The following ZNF486 variants were observed in gnomAD, a reference collection of about 807,000 sequenced individuals.
The protein encoded by ZNF486 is zinc finger protein 486, also known as KRAB box only protein 2.
A neutral mutation model predicts 12.8 loss-of-function variants in ZNF486; 12 were observed. The observed-to-expected ratio is 0.94, with a 90% CI of 0.60 to 1.52. The LOEUF (loss-of-function observed/expected upper bound fraction) is 1.52, where lower values mean the gene tolerates loss of function less well. Ranked by LOEUF, ZNF486 falls within the 40% of genes most tolerant of loss-of-function variation. The probability of loss-of-function intolerance (pLI) is 0.00; values close to 1 mark genes in which losing one functional copy is unlikely to be tolerated. For missense variants in ZNF486, 738 were observed against 545.0 expected (o/e 1.35, Z -3.53); for synonymous variants, 231 against 184.9 (o/e 1.25, Z -2.02).
At chr19:20,191,714 G>A (rs1482932829) in intron 3 of ZNF486, among the ~76,000 whole-genome samples, 1 of 152,144 alleles carries the variant, frequency 6.6e-6, no homozygotes, top group African/African-American at 2.4e-5. Context: ...AGCTTGTAGT[G>A]AGCTGAGATT....
chr19:20,182,418 C>A (rs2089796993), intron 1 of ZNF486, among the ~76,000 whole-genome samples: 1 of 152,316 alleles, frequency 6.6e-6, no homozygotes, highest in Non-Finnish European at 1.5e-5. Flanking sequence ...CCTCTTGTGC[C>A]CTCCCCACAG....
At chr19:20,175,638 A>G (rs369942415) in intron 1 of ZNF486, among the ~76,000 whole-genome samples, 9 of 152,046 alleles carry the variant, frequency 5.9e-5, no homozygotes, top group Admixed American at 1.3e-4. Context: ...CAGAGAGCAC[A>G]GGGTTGGGGG....
At position 20,197,193 on chromosome 19, in the gene ZNF486, A is replaced by T; in HGVS notation, c.483A>T (p.Lys161Asn). 1 of 1,613,322 alleles carries T rather than the reference A, an allele frequency of 6.2e-7. No individual in the cohort carries two copies. Among genetic ancestry groups the T allele is most frequent in the South Asian group, 1.1e-5 (1 of 90,722 alleles). Residue 161 changes from lysine to asparagine, a missense_variant, in exon 4 of 4, where the codon AAA (lysine) becomes AAT (asparagine). Coordinates refer to ENST00000335117, the MANE Select transcript of ZNF486 (RefSeq NM_052852.4). ...SKIFQCGKYV[K>N]VFHQFSNSKR... ...TATTTCAATGTGGTAAATATGTGAA[A>T]GTCTTTCATCAATTTTCAAATTCAA... is the stretch of plus-strand genomic sequence containing the variant.
At chr19:20,174,534 A>T (rs1364882609) in intron 1 of ZNF486, among the ~76,000 whole-genome samples, 2 of 152,042 alleles carry the variant, frequency 1.3e-5, no homozygotes, top group Non-Finnish European at 2.9e-5. Context: ...GATTACAGGC[A>T]TGCATCACTG....
intron 1 of ZNF486, among the ~76,000 whole-genome samples, chr19:20,177,857 C>A (rs1022981692): frequency 6.9e-5 from 10 of 145,398 alleles, no homozygotes; most frequent in East Asian, 2.1e-4. Flanking sequence ...ATTACAGGCA[C>A]GAGCCACCAC....
chr19:20,185,954 C>A, intron 2 of ZNF486, 33 bp from the exon 3 acceptor site: 3 of 1,379,986 alleles, frequency 2.2e-6, no homozygotes, highest in Admixed American at 2.4e-5. Flanking sequence ...GAAATATAAG[C>A]AAGATTAATG....
At chr19:20,190,554 G>A (rs556638127) in intron 3 of ZNF486, among the ~76,000 whole-genome samples, 143 of 152,124 alleles carry the variant, frequency 9.4e-4, no homozygotes, top group African/African-American at 3.3e-3. Context: ...CTGCCTAATT[G>A]TTTGCTTGTT....
At chr19:20,175,331 A>AT (rs782300626) in intron 1 of ZNF486, 4,416 of 119,862 alleles carry the variant, frequency 0.037, 187 homozygotes, top group Non-Finnish European at 0.049. Flanking sequence ...AGCCCTATTA[A>AT]TTTTTTTTTT....
In ZNF486 at chr19:20,191,576, T is replaced by A. The variant is rs1040871068; in HGVS notation, c.254-5388T>A. Among the ~76,000 whole-genome samples, 8 of 148,518 alleles carry A rather than the reference T, an allele frequency of 5.4e-5. No individual in the cohort carries two copies. The Admixed American group carries it at 5.5e-4, about 10-fold the overall frequency. On this transcript the variant is annotated intron_variant, in intron 3 of 3. Transcript: ENST00000335117. Reference sequence around the variant, plus strand: ...CGAGGTCAGGAGATCGAGACTCTCCTGGCTAAGACGGTGAAACCCCGTCTC... The same window carrying A: ...CGAGGTCAGGAGATCGAGACTCTCCAGGCTAAGACGGTGAAACCCCGTCTC...
chr19:20,172,087 C>T (rs2089654450), intron 1 of ZNF486, among the ~76,000 whole-genome samples: 1 of 152,086 alleles, frequency 6.6e-6, no homozygotes, highest in Non-Finnish European at 1.5e-5. Context: ...TCACCACAAC[C>T]TCAACTTCCT....
At position 20,199,558 on chromosome 19, in the gene ZNF486, C is replaced by T. The variant is rs944368138; in HGVS notation, c.*1456C>T. On this transcript the variant is annotated 3_prime_UTR_variant, in exon 4 of 4. Transcript: ENST00000335117. ...TCAGACTGACCAAAACGGAGAAACC[C>T]AGTCTCTACTGAAAATATAAAATTA... 2.0e-5 allele frequency: 3 copies of T among 151,786 alleles called. No individual in the cohort carries two copies. Among genetic ancestry groups the T allele is most frequent in the African/African-American group, 7.3e-5 (3 of 41,270 alleles). The allele number at this position is 151,786 out of a possible 1,614,324, so 9.4% of individuals were successfully genotyped here. A position where few individuals can be genotyped will look rare whatever the true frequency, so the allele number is the denominator to read the frequency against.
intron 3 of ZNF486, among the ~76,000 whole-genome samples, chr19:20,189,773 G>C (rs1332231821): frequency 6.6e-6 from 1 of 150,976 alleles, no homozygotes; most frequent in Non-Finnish European, 1.5e-5. Context: ...TTTTCTAAGG[G>C]ATGTTGCCAC....
chr19:20,177,255 A>C (rs1555714958), intron 1 of ZNF486, among the ~76,000 whole-genome samples: 1 of 152,222 alleles, frequency 6.6e-6, no homozygotes, highest in East Asian at 1.9e-4. Context: ...ACTCCTCTAA[A>C]CTGTAACTAG....
chr19:20,188,343 G>A (rs1398408460), intron 3 of ZNF486: 1 of 396,412 alleles, frequency 2.5e-6, no homozygotes, highest in Non-Finnish European at 4.4e-6. Context: ...TAAAAAAATT[G>A]TTTTAAAAAC....
At chr19:20,184,599 C>A in intron 2 of ZNF486, 117 bp downstream of exon 2, 1 of 1,143,904 alleles carries the variant, frequency 8.7e-7, no homozygotes, top group Non-Finnish European at 1.2e-6. Flanking sequence ...TGTCCTTTTT[C>A]CAGAAAATCT....
intron 1 of ZNF486, among the ~76,000 whole-genome samples, chr19:20,178,137 A>C (rs2089743449): frequency 6.6e-6 from 1 of 150,902 alleles, no homozygotes; most frequent in Non-Finnish European, 1.5e-5. Context: ...CATGTTGGCC[A>C]GGCTGGTCTA....
chr19:20,184,044 C>T (rs557735787), intron 1 of ZNF486, among the ~76,000 whole-genome samples: 142 of 152,188 alleles, frequency 9.3e-4, no homozygotes, highest in African/African-American at 3.3e-3. Context: ...GAAAAATATT[C>T]ATAACTGATT....
At chr19:20,195,184 T>G (rs1480351406) in intron 3 of ZNF486, among the ~76,000 whole-genome samples, 1 of 152,164 alleles carries the variant, frequency 6.6e-6, no homozygotes, top group Admixed American at 6.5e-5. Context: ...TTTAATTTTA[T>G]TTTTGAGACA....
rs180817466 is a variant in ZNF486, at chr19:20,187,004, T to A, written c.253+922T>A. Among the ~76,000 whole-genome samples, 470 of 151,902 alleles carry A rather than the reference T, an allele frequency of 3.1e-3. 10 individuals are homozygous for A. Among genetic ancestry groups the A allele is most frequent in the Admixed American group, 0.03 (458 of 15,236 alleles). On this transcript the variant is annotated intron_variant, in intron 3 of 3. Transcript: ENST00000335117. The stretch of plus-strand genomic sequence containing the variant: ...TTCACCATGTTGGCCAGGCTGGTCT[T>A]GAACTCCTGACCTTGTGATCCACCC...
Sources: gnomAD v4.1 joint callset for allele counts (sites outside exome capture counted in the v4.1 genomes callset) on GRCh38, gnomAD v4.1.1 for gene constraint, MANE v1.5 for transcripts, NCBI Gene and HGNC (gene_info 2026-07-23, HGNC 2026-07-21) for gene names.